Variants in DCAF7 observed in about 807,000 individuals in gnomAD.
DCAF7 encodes the protein DDB1- and CUL4-associated factor 7.
Under a neutral mutation model 41.2 loss-of-function variants are expected in DCAF7, and 4 were observed. That is an observed-to-expected ratio of 0.10 (90% CI 0.05 to 0.22). The LOEUF (loss-of-function observed/expected upper bound fraction) is 0.22, where lower values mean the gene tolerates loss of function less well. DCAF7 is among the 10% of genes least tolerant of loss of function. The pLI is 1.00. For synonymous variants in DCAF7, 143 were observed against 164.2 expected (o/e 0.87, Z 0.99); for missense variants, 131 against 443.2 (o/e 0.30, Z 6.32).
chr17:63,575,519 G>A (rs2147772146), intron 1 of DCAF7, among the ~76,000 whole-genome samples: 1 of 152,220 alleles, frequency 6.6e-6, no homozygotes, highest in East Asian at 1.9e-4. Context: ...AGCCGACATG[G>A]CAAAACCCCA....
chr17:63,583,472 A>G, intron 4 of DCAF7, 30 bp from the exon 5 acceptor site: 1 of 1,598,344 alleles, frequency 6.3e-7, no homozygotes, highest in Non-Finnish European at 8.6e-7. Context: ...ATGGATCTGA[A>G]TCTGACTGGA....
At chr17:63,554,220 T>C (rs1193385424) in intron 1 of DCAF7, among the ~76,000 whole-genome samples, 1 of 152,180 alleles carries the variant, frequency 6.6e-6, no homozygotes, top group Admixed American at 6.5e-5. Flanking sequence ...ACAGCCTCAT[T>C]ATTGGTTATT....
At chr17:63,564,634 C>T (rs888160434) in intron 1 of DCAF7, among the ~76,000 whole-genome samples, 2 of 152,186 alleles carry the variant, frequency 1.3e-5, no homozygotes, top group Admixed American at 6.5e-5. Context: ...GAAACTGGAG[C>T]GGAGGATGGT....
chr17:63,557,158 T>C lies in DCAF7; in HGVS notation c.138+6343T>C, dbSNP rs1049183965. 1.2e-4 allele frequency among the ~76,000 whole-genome samples: 18 copies of C among 152,104 alleles called. 1 individual carries two copies. The highest frequency in any genetic ancestry group is 3.9e-4 in the African/African-American group (16 of 41,416). ...TACTAAAAAGATGTCTTTAGCTTGG[T>C]TGAAAAATAATTGTCAGTCCTACCA... is the stretch of plus-strand genomic sequence containing the variant. On this transcript the variant is annotated intron_variant, in intron 1 of 6. Transcript: ENST00000614556.
intron 1 of DCAF7, chr17:63,552,451 C>G (rs1279843894): frequency 6.6e-6 from 1 of 152,146 alleles, no homozygotes; most frequent in Non-Finnish European, 1.5e-5. Flanking sequence ...CACCCATTGC[C>G]CGGGCGAGAT....
chr17:63,578,651 G>A, intron 2 of DCAF7, 23 bp downstream of exon 2: 1 of 1,613,736 alleles, frequency 6.2e-7, no homozygotes, highest in Non-Finnish European at 8.5e-7. Context: ...TTTATTAGCA[G>A]CCAGACAAGT....
intron 1 of DCAF7, among the ~76,000 whole-genome samples, chr17:63,554,387 G>A (rs2033290002): frequency 6.6e-6 from 1 of 152,276 alleles, no homozygotes; most frequent in Admixed American, 6.5e-5. Flanking sequence ...ATAGGTGACA[G>A]ACACACTAGT....
chr17:63,550,484 G>A lies in DCAF7; in HGVS notation c.-194G>A. On this transcript the variant is annotated 5_prime_UTR_variant, in exon 1 of 7. Coordinates refer to ENST00000614556, the MANE Select transcript of DCAF7 (RefSeq NM_005828.5). This position sits in a 1 kb window ranked among gnomAD's most constrained non-coding sequence, Gnocchi z 4.8. The stretch of plus-strand genomic sequence containing the variant: ...CCAAAACGGAAGGTGGTTGTCGTCC[G>A]TTCCCAAGCTGGTTTGAAACTAGGG... 1 of 907,546 alleles carries A rather than the reference G, an allele frequency of 1.1e-6. No homozygotes were observed. Among genetic ancestry groups the A allele is most frequent in the Non-Finnish European group, 1.6e-6 (1 of 637,306 alleles). 56.2% of individuals were successfully genotyped at this position (907,546 alleles called of 1,614,324 possible). A position where few individuals can be genotyped will look rare whatever the true frequency, so the allele number is the denominator to read the frequency against.
chr17:63,562,532 TTTATTTTTTA>T (rs2033393912), intron 1 of DCAF7, among the ~76,000 whole-genome samples: 1 of 150,900 alleles, frequency 6.6e-6, no homozygotes, highest in African/African-American at 2.5e-5. Flanking sequence ...TTTTTTATTT[TTTATTTTTTA>T]TTATTATTAT....
rs1341213447 is a variant in DCAF7 at position 63,590,471 on chromosome 17, A to G, written c.*1299A>G. On this transcript the variant is annotated 3_prime_UTR_variant, in exon 7 of 7. Transcript: ENST00000614556. The stretch of plus-strand genomic sequence containing the variant: ...TCAGCCAGTTAAGAGCTCTACCCAC[A>G]CCTGTCAACCCCTCTCTCCCCCAGT... 2.0e-5 allele frequency: 3 copies of G among 152,716 alleles called. No individual in the cohort carries two copies. Among genetic ancestry groups the G allele is most frequent in the Non-Finnish European group, 4.4e-5 (3 of 68,168 alleles). 9.5% of individuals were successfully genotyped at this position (152,716 alleles called of 1,614,324 possible). A position where few individuals can be genotyped will look rare whatever the true frequency, so the allele number is the denominator to read the frequency against.
At chr17:63,585,893 G>A (rs949287714) in intron 6 of DCAF7, among the ~76,000 whole-genome samples, 9 of 152,006 alleles carry the variant, frequency 5.9e-5, no homozygotes, top group African/African-American at 2.2e-4. Context: ...AGGCTGAGGC[G>A]GGTGGATCAC....
chr17:63,570,952 G>A (rs1233308544), intron 1 of DCAF7, among the ~76,000 whole-genome samples: 2 of 152,134 alleles, frequency 1.3e-5, no homozygotes, highest in African/African-American at 4.8e-5. Flanking sequence ...TTGGGAGGCC[G>A]AGGCTGGTAG....
At chr17:63,553,736 T>C (rs1196193720) in intron 1 of DCAF7, among the ~76,000 whole-genome samples, 2 of 152,182 alleles carry the variant, frequency 1.3e-5, no homozygotes, top group African/African-American at 4.8e-5. Flanking sequence ...TTTTTAAAAA[T>C]TTGCATTAGC....
At chr17:63,565,789 G>T (rs566998148) in intron 1 of DCAF7, among the ~76,000 whole-genome samples, 8 of 152,110 alleles carry the variant, frequency 5.3e-5, no homozygotes, top group African/African-American at 9.7e-5. Flanking sequence ...AAAAGTAAAG[G>T]TAGTCAATGA....
intron 1 of DCAF7, among the ~76,000 whole-genome samples, chr17:63,571,979 C>G (rs1189988797): frequency 2.0e-5 from 3 of 151,740 alleles, no homozygotes; most frequent in African/African-American, 7.3e-5. Flanking sequence ...AGACACAGGC[C>G]TATATTTAAG....
At chr17:63,579,800 C>G in intron 3 of DCAF7, 25 bp from the exon 4 acceptor site, 1 of 1,596,134 alleles carries the variant, frequency 6.3e-7, no homozygotes, top group Non-Finnish European at 8.6e-7. Context: ...TCCCGTCAGC[C>G]CTGACTTGCA....
chr17:63,587,153 A>G (rs2033685833), intron 6 of DCAF7, among the ~76,000 whole-genome samples: 1 of 152,180 alleles, frequency 6.6e-6, no homozygotes. Flanking sequence ...ATGGAGCCCA[A>G]GAAGCAATGT....
Position 63,589,288 on chromosome 17 carries a change from C to T in DCAF7, c.*116C>T, listed in dbSNP as rs767923247. ...CCAGTATGTCTTTCATTGCTTTGCA[C>T]CCACTGTTACCAGAAGCTGCTCTAG... is the stretch of plus-strand genomic sequence containing the variant. On this transcript the variant is annotated 3_prime_UTR_variant, in exon 7 of 7. Transcript: ENST00000614556. 2 of 1,364,582 alleles carry T rather than the reference C, an allele frequency of 1.5e-6. No homozygotes were observed. Among genetic ancestry groups the T allele is most frequent in the Admixed American group, 1.9e-5 (1 of 53,140 alleles). The allele number at this position is 1,364,582 out of a possible 1,614,324, so 84.5% of individuals were successfully genotyped here. A position where few individuals can be genotyped will look rare whatever the true frequency, so the allele number is the denominator to read the frequency against.
At chr17:63,564,918 G>C (rs1422511197) in intron 1 of DCAF7, among the ~76,000 whole-genome samples, 1 of 152,210 alleles carries the variant, frequency 6.6e-6, no homozygotes, top group African/African-American at 2.4e-5. Context: ...GTGGTGTTGG[G>C]GGATGAGGAG....
Sources: allele counts gnomAD v4.1 joint callset (sites outside exome capture counted in the v4.1 genomes callset), GRCh38; gene constraint gnomAD v4.1.1; non-coding constraint Gnocchi (gnomAD v3.1); transcripts MANE v1.5; gene names NCBI Gene and HGNC (gene_info 2026-07-23, HGNC 2026-07-21).